The following NDE1 variants were observed in gnomAD, a reference collection of about 807,000 sequenced individuals.
The protein encoded by NDE1 is nudE neurodevelopment protein 1.
Under a neutral mutation model 43.4 loss-of-function variants are expected in NDE1, and 28 were observed. The ratio of observed to expected loss-of-function variants is 0.65; its 90% confidence interval spans 0.48 to 0.89. The LOEUF (loss-of-function observed/expected upper bound fraction) is 0.89. Among genes scored for constraint, NDE1 ranks in the 40% least tolerant of loss-of-function variants. NDE1 has a pLI of 0.00. For synonymous variants in NDE1, 184 were observed against 172.0 expected, an observed-to-expected ratio of 1.07 and a Z score of -0.55; for missense variants, 441 against 434.1, an observed-to-expected ratio of 1.02 and a Z score of -0.14.
chr16:15,692,976 T>G (rs1284921449), intron 6 of NDE1, among the ~76,000 whole-genome samples: 2 of 150,922 alleles, frequency 1.3e-5, no homozygotes, highest in Non-Finnish European at 2.9e-5. Flanking sequence ...AAGTGGGTCT[T>G]GGGTGGGGCC....
rs1386283767 is a variant in NDE1 at position 15,725,392 on chromosome 16, G to T, written c.*1141G>T. On this transcript the variant is annotated 3_prime_UTR_variant, in exon 9 of 9. Transcript: ENST00000396354. ...GTCCACTCTCTAAGGCTGGAGAAGGGAGACCAGGATGGTACTTGAACGTCC... is the reference window on the plus strand; with the variant it reads ...GTCCACTCTCTAAGGCTGGAGAAGGTAGACCAGGATGGTACTTGAACGTCC... The T allele has an allele frequency of 1.9e-6, 1 of 527,356 alleles. No individual in the cohort carries two copies. The highest frequency in any genetic ancestry group is 4.9e-4 in the Middle Eastern group (1 of 2,034). The allele number at this position is 527,356 out of a possible 1,614,324, so 32.7% of individuals were successfully genotyped here.
intron 8 of NDE1, chr16:15,717,073 C>G: frequency 6.5e-7 from 1 of 1,545,698 alleles, no homozygotes; most frequent in South Asian, 1.1e-5. Context: ...GGTTCCCTGA[C>G]TTCACTATGA....
chr16:15,701,067 C>G (rs1222045404), intron 8 of NDE1, among the ~76,000 whole-genome samples: 1 of 152,006 alleles, frequency 6.6e-6, no homozygotes, highest in Non-Finnish European at 1.5e-5. Context: ...GAAACCCCAT[C>G]TCTACTAAAA....
intron 2 of NDE1, 48 bp from the exon 3 acceptor site, chr16:15,667,238 T>A: frequency 6.2e-7 from 1 of 1,606,054 alleles, no homozygotes; most frequent in Middle Eastern, 1.7e-4. Context: ...AGAGCGAGAC[T>A]CTGTCTTCAA....
At chr16:15,682,991 T>G (rs2038260186) in intron 4 of NDE1, among the ~76,000 whole-genome samples, 1 of 151,802 alleles carries the variant, frequency 6.6e-6, no homozygotes, top group African/African-American at 2.4e-5. Flanking sequence ...AGCCGTTAGC[T>G]CTCACACCCA....
At chr16:15,684,134 G>A (rs1418550208) in intron 4 of NDE1, 1 of 152,130 alleles carries the variant, frequency 6.6e-6, no homozygotes, top group Admixed American at 6.6e-5. Flanking sequence ...GACAGACTGA[G>A]GCAGGAGAAT....
chr16:15,684,608 T>C (rs1006030948), intron 4 of NDE1: 1 of 151,192 alleles, frequency 6.6e-6, no homozygotes, highest in African/African-American at 2.4e-5. Flanking sequence ...TGGTCCCCAG[T>C]TCCCTAGCAT....
intron 1 of NDE1, among the ~76,000 whole-genome samples, chr16:15,664,422 T>C (rs1262145308): frequency 2.0e-5 from 3 of 152,232 alleles, no homozygotes; most frequent in Admixed American, 6.6e-5. Context: ...AGTGGCGCCA[T>C]CTCGGCTCAC....
chr16:15,718,225 G>A, intron 8 of NDE1: 1 of 1,593,430 alleles, frequency 6.3e-7, no homozygotes, highest in Non-Finnish European at 8.5e-7. Flanking sequence ...CCTGCACACA[G>A]GAAGCCGCCA....
At chr16:15,690,361 T>TTTTTTTTTTTTG in intron 5 of NDE1, among the ~76,000 whole-genome samples, 1 of 102,032 alleles carries the variant, frequency 9.8e-6, no homozygotes. Context: ...TTCTTTTTTT[T>TTTTTTTTTTTTG]TTTTTTTTTT....
chr16:15,677,982 A>T, intron 4 of NDE1, 33 bp downstream of exon 4: 1 of 1,612,532 alleles, frequency 6.2e-7, no homozygotes, highest in Middle Eastern at 1.8e-4. Flanking sequence ...CGAGTGGGAG[A>T]CTCTCCTCTC....
At chr16:15,695,078 G>A (rs116688512) in intron 7 of NDE1, 4,928 of 221,430 alleles carry the variant, frequency 0.022, 254 homozygotes, top group African/African-American at 0.11. Context: ...AGCTACTCAG[G>A]AGGCTGAGAG....
At chr16:15,712,177 G>C (rs1004906915) in intron 8 of NDE1, among the ~76,000 whole-genome samples, 1 of 152,180 alleles carries the variant, frequency 6.6e-6, no homozygotes, top group South Asian at 2.1e-4. Flanking sequence ...GTCAGGACTT[G>C]GGGTGCAGCA....
At chr16:15,701,438 C>T (rs2039217988) in intron 8 of NDE1, 2 of 152,164 alleles carry the variant, frequency 1.3e-5, no homozygotes, top group South Asian at 2.1e-4. Context: ...AATTCTGCCT[C>T]AGGACCCTGA....
At chr16:15,720,410 C>T in intron 8 of NDE1, 1 of 1,483,934 alleles carries the variant, frequency 6.7e-7, no homozygotes, top group South Asian at 1.2e-5. Flanking sequence ...CCCAGCACAG[C>T]CCCCTTGTGA....
chr16:15,688,633 C>CA (rs35767829), intron 5 of NDE1, among the ~76,000 whole-genome samples: 4,981 of 37,246 alleles, frequency 0.13, 875 homozygotes, highest in African/African-American at 0.36. Flanking sequence ...ACTCTTGTCT[C>CA]AAAAAAAAAA....
At chr16:15,717,917 G>A in intron 8 of NDE1, 1 of 325,752 alleles carries the variant, frequency 3.1e-6, no homozygotes, top group East Asian at 7.4e-5. Flanking sequence ...ACCACAAGGG[G>A]CTGCAGGTTA....
chr16:15,666,180 T>G (rs764496924), intron 2 of NDE1, among the ~76,000 whole-genome samples: 2 of 152,210 alleles, frequency 1.3e-5, no homozygotes, highest in African/African-American at 2.4e-5. Context: ...TTTTAAGATT[T>G]GAAACTCGTG....
rs2038501539 is a variant in NDE1, at chr16:15,687,543, G to T, written c.523+32G>T. ...AGGCCTTGGTGTCTTCACCAGCATG[G>T]TCCCCTCTCCCTACCTGAGCAACAT... On this transcript the variant is annotated intron_variant, in intron 5 of 8. Transcript: ENST00000396354. The T allele has an allele frequency of 2.5e-6, 4 of 1,582,550 alleles. No homozygotes were observed. The Admixed American group carries it at 6.7e-5, about 26-fold the overall frequency.
Sources: gnomAD v4.1 joint callset for allele counts (sites outside exome capture counted in the v4.1 genomes callset) on GRCh38, gnomAD v4.1.1 for gene constraint, MANE v1.5 for transcripts, NCBI Gene and HGNC (gene_info 2026-07-23, HGNC 2026-07-21) for gene names.